GNG14: variants seen among roughly 807,000 people sequenced by gnomAD.
GNG14 encodes the protein guanine nucleotide-binding protein G(I)/G(S)/G(O) subunit gamma-14.
For synonymous variants in GNG14, 44 were observed against 22.5 expected, an observed-to-expected ratio of 1.96 and a Z score of -2.71; for missense variants, 103 against 53.6, an observed-to-expected ratio of 1.92 and a Z score of -2.87.
In GNG14 at chr19:12,688,135, A is replaced by G. The variant is rs950281646; in HGVS notation, c.87A>G (p.Gln29=). 5 of 702,354 alleles carry G rather than the reference A, an allele frequency of 7.1e-6. No individual in the cohort carries two copies. The highest frequency in any genetic ancestry group is 2.0e-5 in the Admixed American group (1 of 49,978). 43.5% of individuals were successfully genotyped at this position (702,354 alleles called of 1,614,324 possible). A position where few individuals can be genotyped will look rare whatever the true frequency, so the allele number is the denominator to read the frequency against. The change falls in exon 1 of 1, where the codon CAA becomes CAG. Residue 29 remains glutamine (Q), a synonymous_variant. Transcript: ENST00000640151. ...TCCAGATGGAGGCAGGCATCGACCA[A>G]GTGAAGGTGAGGGTCGGGGCCAGTG... ...EQLQMEAGID[Q]VKVRVGASAG...
rs1202299180 is a variant in GNG14, at chr19:12,688,061, G to A, written c.13G>A (p.Val5Met). Residue 5 changes from valine to methionine, a missense_variant, in exon 1 of 1, where the codon GTG (valine) becomes ATG (methionine). Val to Met is a conservative substitution (Grantham distance 21, BLOSUM62 1). Coordinates refer to ENST00000640151, the MANE Select transcript of GNG14 (RefSeq NM_001316692.2). ...CCACTTTACCCAGATGTCCAGCAAG[G>A]TGGCCATCAACAGTGACATTGGGCA... is the stretch of plus-strand genomic sequence containing the variant. MSSK[V>M]AINSDIGQAL... The A allele has an allele frequency of 2.9e-6, 2 of 684,712 alleles. No individual in the cohort carries two copies. Among genetic ancestry groups the A allele is most frequent in the African/African-American group, 3.5e-5 (2 of 56,968 alleles). 42.4% of individuals were successfully genotyped at this position (684,712 alleles called of 1,614,324 possible).
In GNG14 at chr19:12,688,123, A is replaced by G. The variant is rs1379904860; in HGVS notation, c.75A>G (p.Ala25=). The G allele has an allele frequency of 1.4e-6, 1 of 702,218 alleles. No homozygotes were observed. The highest frequency in any genetic ancestry group is 2.6e-6 in the Non-Finnish European group (1 of 384,644). The allele number at this position is 702,218 out of a possible 1,614,324, so 43.5% of individuals were successfully genotyped here. A position where few individuals can be genotyped will look rare whatever the true frequency, so the allele number is the denominator to read the frequency against. ...LWAVEQLQME[A]GIDQVKVRVG... is the part of the protein sequence containing the mutation. ...CAGTGGAGCAGCTCCAGATGGAGGC[A>G]GGCATCGACCAAGTGAAGGTGAGGG... The change falls in exon 1 of 1, where the codon GCA becomes GCG. Residue 25 remains alanine, a synonymous_variant. Coordinates refer to ENST00000640151, the MANE Select transcript of GNG14 (RefSeq NM_001316692.2).
chr19:12,688,122 CAGGCA>C lies in GNG14; in HGVS notation c.75_79del (p.Gly26ArgfsTer58), dbSNP rs1439974612. ...GCAGTGGAGCAGCTCCAGATGGAGG[CAGGCA>C]TCGACCAAGTGAAGGTGAGGGTCGG... On this transcript the variant is annotated frameshift_variant, in exon 1 of 1. Transcript: ENST00000640151. LOFTEE classifies it low-confidence loss of function (END_TRUNC). 7.1e-6 allele frequency: 5 copies of C among 702,012 alleles called. No homozygotes were observed. Among genetic ancestry groups the C allele is most frequent in the Admixed American group, 2.0e-5 (1 of 49,980 alleles). The allele number at this position is 702,012 out of a possible 1,614,324, so 43.5% of individuals were successfully genotyped here.
In GNG14 at chr19:12,688,210, C is replaced by T. The variant is rs2024951709; in HGVS notation, c.162C>T (p.Cys54=). 1.4e-6 allele frequency: 1 copy of T among 702,516 alleles called. No individual in the cohort carries two copies. The highest frequency in any genetic ancestry group is 2.6e-6 in the Non-Finnish European group (1 of 385,010). 43.5% of individuals were successfully genotyped at this position (702,516 alleles called of 1,614,324 possible). A position where few individuals can be genotyped will look rare whatever the true frequency, so the allele number is the denominator to read the frequency against. Residue 54 remains cysteine, a synonymous_variant, in exon 1 of 1, where the codon TGC becomes TGT. Coordinates refer to ENST00000640151, the MANE Select transcript of GNG14 (RefSeq NM_001316692.2). ...ACATGGGCCAGGGGACAGGTGCATG[C>T]CTGGGTCTGGTCTGGCTGAACCAGT... is the stretch of plus-strand genomic sequence containing the variant. ...WEHMGQGTGA[C]LGLVWLNQLV...
rs1355187631 is a variant in GNG14, at chr19:12,688,028, C to T, written c.-21C>T. On this transcript the variant is annotated 5_prime_UTR_variant, in exon 1 of 1. In the 5' UTR this introduces an upstream ATG that the reference lacks. Coordinates refer to ENST00000640151, the MANE Select transcript of GNG14 (RefSeq NM_001316692.2). The stretch of plus-strand genomic sequence containing the variant: ...GGACTGAGGTTGGGCCTGCTGCCCA[C>T]GGCCTGCCCACTTTACCCAGATGTC... The T allele has an allele frequency of 4.6e-6, 3 of 657,806 alleles. No individual in the cohort carries two copies. The highest frequency in any genetic ancestry group is 1.7e-5 in the South Asian group (1 of 59,836). The allele number at this position is 657,806 out of a possible 1,614,324, so 40.7% of individuals were successfully genotyped here. A position where few individuals can be genotyped will look rare whatever the true frequency, so the allele number is the denominator to read the frequency against.
rs1318898761 is a variant in GNG14, at chr19:12,688,248, G to A, written c.200G>A (p.Cys67Tyr). The change falls in exon 1 of 1, where the codon TGT becomes TAT. Residue 67 changes from cysteine (C) to tyrosine (Y), a missense_variant. By Grantham distance (194) the Cys-to-Tyr change is radical. Transcript: ENST00000640151. ...LVWLNQLVCR[C>Y]PKMAADLLKF... Reference sequence around the variant, plus strand: ...TGGCTGAACCAGTTGGTCTGCAGGTGTCCAAAGATGGCCGCCGATCTGCTG... The same window carrying A: ...TGGCTGAACCAGTTGGTCTGCAGGTATCCAAAGATGGCCGCCGATCTGCTG... 1.4e-6 allele frequency: 1 copy of A among 702,542 alleles called. No homozygotes were observed. The highest frequency in any genetic ancestry group is 1.7e-5 in the African/African-American group (1 of 57,354). 43.5% of individuals were successfully genotyped at this position (702,542 alleles called of 1,614,324 possible).
Position 12,688,198 on chromosome 19 carries a change from G to T in GNG14, c.150G>T (p.Gly50=), listed in dbSNP as rs57695059. The T allele has an allele frequency of 7.3e-4, 511 of 702,682 alleles. 4 individuals carry two copies. In the African/African-American group the frequency reaches 8.3e-3, roughly 11 times the overall value. 43.5% of individuals were successfully genotyped at this position (702,682 alleles called of 1,614,324 possible). A position where few individuals can be genotyped will look rare whatever the true frequency, so the allele number is the denominator to read the frequency against. ...AGAGGTGGGAACACATGGGCCAGGG[G>T]ACAGGTGCATGCCTGGGTCTGGTCT... is the stretch of plus-strand genomic sequence containing the variant. The part of the protein sequence containing the change: ...GGKRWEHMGQ[G]TGACLGLVWL... The change falls in exon 1 of 1, where the codon GGG becomes GGT. Residue 50 remains glycine, a synonymous_variant. Coordinates refer to ENST00000640151, the MANE Select transcript of GNG14 (RefSeq NM_001316692.2).
rs747867797 is a variant in GNG14 at position 12,688,279 on chromosome 19, C to A, written c.231C>A (p.Phe77Leu). Residue 77 changes from phenylalanine (F) to leucine (L), a missense_variant, in exon 1 of 1, where the codon TTC (phenylalanine) becomes TTA (leucine). By Grantham distance (22) the Phe-to-Leu change is conservative. Transcript: ENST00000640151. Reference sequence around the variant, plus strand: ...AGATGGCCGCCGATCTGCTGAAGTTCTGCACGGAGCAGGCCAAGAATGACC... The same window carrying A: ...AGATGGCCGCCGATCTGCTGAAGTTATGCACGGAGCAGGCCAAGAATGACC... ...CPKMAADLLK[F>L]CTEQAKNDPF... 7 of 702,602 alleles carry A rather than the reference C, an allele frequency of 1.0e-5. No homozygotes were observed. The highest frequency in any genetic ancestry group is 1.6e-5 in the Non-Finnish European group (6 of 384,998). The allele number at this position is 702,602 out of a possible 1,614,324, so 43.5% of individuals were successfully genotyped here. A position where few individuals can be genotyped will look rare whatever the true frequency, so the allele number is the denominator to read the frequency against.
At position 12,688,409 on chromosome 19, in the gene GNG14, A is replaced by AG. The variant is rs766118293; in HGVS notation, c.*42dup. 5.7e-6 allele frequency: 4 copies of AG among 697,218 alleles called. No homozygotes were observed. In the South Asian group the frequency reaches 5.9e-5, roughly 10 times the overall value. The allele number at this position is 697,218 out of a possible 1,614,324, so 43.2% of individuals were successfully genotyped here. On this transcript the variant is annotated 3_prime_UTR_variant, in exon 1 of 1. Coordinates refer to ENST00000640151, the MANE Select transcript of GNG14 (RefSeq NM_001316692.2). The stretch of plus-strand genomic sequence containing the variant: ...TGCCACCCTGTGGCCTGGGCAAACC[A>AG]GGGGGCCTCAATAAACATGAAGTGA...
In GNG14 at chr19:12,688,074, GT is replaced by G. The variant is rs1568323805; in HGVS notation, c.27del (p.Ser9ArgfsTer22). Reference sequence around the variant, plus strand: ...ATGTCCAGCAAGGTGGCCATCAACAGTGACATTGGGCAGGCCCTCTGGGCAG... The same window carrying G: ...ATGTCCAGCAAGGTGGCCATCAACAGGACATTGGGCAGGCCCTCTGGGCAG... MSSKVAIN[S>X]DIGQALWAVE... On this transcript the variant is annotated frameshift_variant, in exon 1 of 1. Coordinates refer to ENST00000640151, the MANE Select transcript of GNG14 (RefSeq NM_001316692.2). LOFTEE classifies it low-confidence loss of function (END_TRUNC). The G allele has an allele frequency of 1.4e-6, 1 of 691,524 alleles. No homozygotes were observed. The highest frequency in any genetic ancestry group is 2.0e-5 in the Admixed American group (1 of 49,724). The allele number at this position is 691,524 out of a possible 1,614,324, so 42.8% of individuals were successfully genotyped here.
Position 12,688,346 on chromosome 19 carries a change from G to A in GNG14, c.298G>A (p.Glu100Lys), listed in dbSNP as rs1282061695. Residue 100 changes from glutamate (E) to lysine (K), a missense_variant, in exon 1 of 1, where the codon GAG becomes AAG. Coordinates refer to ENST00000640151, the MANE Select transcript of GNG14 (RefSeq NM_001316692.2). The stretch of plus-strand genomic sequence containing the variant: ...CCCGGCCGCCACCAACTCCTTCAAG[G>A]AGAAGAAGCCCTATGCCATCCTATG... The part of the protein sequence containing the change: ...GIPAATNSFK[E>K]KKPYAIL 1.4e-6 allele frequency: 1 copy of A among 702,466 alleles called. No homozygotes were observed. The highest frequency in any genetic ancestry group is 1.7e-5 in the African/African-American group (1 of 57,258). The allele number at this position is 702,466 out of a possible 1,614,324, so 43.5% of individuals were successfully genotyped here.
Position 12,688,348 on chromosome 19 carries a change from G to T in GNG14, c.300G>T (p.Glu100Asp), listed in dbSNP as rs1434066752. The part of the protein sequence containing the change: ...GIPAATNSFK[E>D]KKPYAIL Reference sequence around the variant, plus strand: ...CGGCCGCCACCAACTCCTTCAAGGAGAAGAAGCCCTATGCCATCCTATGAA... The same window carrying T: ...CGGCCGCCACCAACTCCTTCAAGGATAAGAAGCCCTATGCCATCCTATGAA... Residue 100 changes from glutamate to aspartate, a missense_variant, in exon 1 of 1, where the codon GAG (glutamate) becomes GAT (aspartate). Coordinates refer to ENST00000640151, the MANE Select transcript of GNG14 (RefSeq NM_001316692.2). 2 of 702,454 alleles carry T rather than the reference G, an allele frequency of 2.8e-6. No homozygotes were observed. Among genetic ancestry groups the T allele is most frequent in the African/African-American group, 3.5e-5 (2 of 57,256 alleles). The allele number at this position is 702,454 out of a possible 1,614,324, so 43.5% of individuals were successfully genotyped here. A position where few individuals can be genotyped will look rare whatever the true frequency, so the allele number is the denominator to read the frequency against.
Position 12,688,080 on chromosome 19 carries a change from T to C in GNG14, c.32T>C (p.Ile11Thr), listed in dbSNP as rs569900344. ...AGCAAGGTGGCCATCAACAGTGACA[T>C]TGGGCAGGCCCTCTGGGCAGTGGAG... MSSKVAINSD[I>T]GQALWAVEQL... Residue 11 changes from isoleucine (I) to threonine (T), a missense_variant, in exon 1 of 1, where the codon ATT (isoleucine) becomes ACT (threonine). Transcript: ENST00000640151. The C allele has an allele frequency of 6.8e-5, 47 of 693,848 alleles. No homozygotes were observed. Among genetic ancestry groups the C allele is most frequent in the African/African-American group, 4.2e-4 (24 of 57,178 alleles). The allele number at this position is 693,848 out of a possible 1,614,324, so 43.0% of individuals were successfully genotyped here. A position where few individuals can be genotyped will look rare whatever the true frequency, so the allele number is the denominator to read the frequency against.
In GNG14 at chr19:12,688,122, C is replaced by T. The variant is rs1289112346; in HGVS notation, c.74C>T (p.Ala25Val). ...LWAVEQLQME[A>V]GIDQVKVRVG... ...GCAGTGGAGCAGCTCCAGATGGAGG[C>T]AGGCATCGACCAAGTGAAGGTGAGG... The change falls in exon 1 of 1, where the codon GCA (alanine) becomes GTA (valine). Residue 25 changes from alanine (A) to valine (V), a missense_variant. Transcript: ENST00000640151. The T allele has an allele frequency of 1.4e-6, 1 of 702,130 alleles. No individual in the cohort carries two copies. Among genetic ancestry groups the T allele is most frequent in the Non-Finnish European group, 2.6e-6 (1 of 384,610 alleles). The allele number at this position is 702,130 out of a possible 1,614,324, so 43.5% of individuals were successfully genotyped here. A position where few individuals can be genotyped will look rare whatever the true frequency, so the allele number is the denominator to read the frequency against.
rs1184841684 is a variant in GNG14 at position 12,688,171 on chromosome 19, G to A, written c.123G>A (p.Gly41=). 1.4e-5 allele frequency: 10 copies of A among 702,730 alleles called. No homozygotes were observed. The highest frequency in any genetic ancestry group is 2.6e-5 in the Non-Finnish European group (10 of 385,018). The allele number at this position is 702,730 out of a possible 1,614,324, so 43.5% of individuals were successfully genotyped here. A position where few individuals can be genotyped will look rare whatever the true frequency, so the allele number is the denominator to read the frequency against. ...GGGTCGGGGCCAGTGCAGGAGGCGG[G>A]AAGAGGTGGGAACACATGGGCCAGG... ...KVRVGASAGG[G]KRWEHMGQGT... is the part of the protein sequence containing the mutation. Residue 41 remains glycine, a synonymous_variant, in exon 1 of 1, where the codon GGG becomes GGA. Coordinates refer to ENST00000640151, the MANE Select transcript of GNG14 (RefSeq NM_001316692.2).
In GNG14 at chr19:12,688,040, T is replaced by C. The variant is rs1568323776; in HGVS notation, c.-9T>C. ...GGCCTGCTGCCCACGGCCTGCCCACTTTACCCAGATGTCCAGCAAGGTGGC... is the reference window on the plus strand; with the variant it reads ...GGCCTGCTGCCCACGGCCTGCCCACCTTACCCAGATGTCCAGCAAGGTGGC... On this transcript the variant is annotated 5_prime_UTR_variant, in exon 1 of 1. Coordinates refer to ENST00000640151, the MANE Select transcript of GNG14 (RefSeq NM_001316692.2). The C allele has an allele frequency of 1.5e-6, 1 of 670,068 alleles. No individual in the cohort carries two copies. 41.5% of individuals were successfully genotyped at this position (670,068 alleles called of 1,614,324 possible).
At position 12,688,361 on chromosome 19, in the gene GNG14, G is replaced by A; in HGVS notation, c.313G>A (p.Ala105Thr). The change falls in exon 1 of 1, where the codon GCC becomes ACC. Residue 105 changes from alanine to threonine, a missense_variant. Transcript: ENST00000640151. ...TNSFKEKKPY[A>T]IL ...CTCCTTCAAGGAGAAGAAGCCCTAT[G>A]CCATCCTATGAACCCAGGGCAATGC... 1.4e-6 allele frequency: 1 copy of A among 702,532 alleles called. No individual in the cohort carries two copies. The highest frequency in any genetic ancestry group is 2.6e-6 in the Non-Finnish European group (1 of 384,932). 43.5% of individuals were successfully genotyped at this position (702,532 alleles called of 1,614,324 possible). A position where few individuals can be genotyped will look rare whatever the true frequency, so the allele number is the denominator to read the frequency against.
At position 12,688,325 on chromosome 19, in the gene GNG14, G is replaced by A. The variant is rs1326481762; in HGVS notation, c.277G>A (p.Ala93Thr). The change falls in exon 1 of 1, where the codon GCC becomes ACC. Residue 93 changes from alanine to threonine, a missense_variant. Ala to Thr is a moderately conservative substitution (Grantham distance 58, BLOSUM62 0). Transcript: ENST00000640151. The part of the protein sequence containing the change: ...KNDPFLVGIP[A>T]ATNSFKEKKP... The stretch of plus-strand genomic sequence containing the variant: ...TGACCCCTTCCTTGTGGGCATCCCG[G>A]CCGCCACCAACTCCTTCAAGGAGAA... 1 of 702,442 alleles carries A rather than the reference G, an allele frequency of 1.4e-6. No homozygotes were observed. The highest frequency in any genetic ancestry group is 1.7e-5 in the African/African-American group (1 of 57,246). The allele number at this position is 702,442 out of a possible 1,614,324, so 43.5% of individuals were successfully genotyped here.
At position 12,688,150 on chromosome 19, in the gene GNG14, C is replaced by A. The variant is rs990073160; in HGVS notation, c.102C>A (p.Val34=). Reference sequence around the variant, plus strand: ...GCATCGACCAAGTGAAGGTGAGGGTCGGGGCCAGTGCAGGAGGCGGGAAGA... The same window carrying A: ...GCATCGACCAAGTGAAGGTGAGGGTAGGGGCCAGTGCAGGAGGCGGGAAGA... ...EAGIDQVKVR[V]GASAGGGKRW... The change falls in exon 1 of 1, where the codon GTC becomes GTA. Residue 34 remains valine, a synonymous_variant. Coordinates refer to ENST00000640151, the MANE Select transcript of GNG14 (RefSeq NM_001316692.2). The A allele has an allele frequency of 2.8e-6, 2 of 702,450 alleles. No individual in the cohort carries two copies. The highest frequency in any genetic ancestry group is 2.6e-6 in the Non-Finnish European group (1 of 384,976). 43.5% of individuals were successfully genotyped at this position (702,450 alleles called of 1,614,324 possible). A position where few individuals can be genotyped will look rare whatever the true frequency, so the allele number is the denominator to read the frequency against.
Sources: allele counts gnomAD v4.1 joint callset, GRCh38; gene constraint gnomAD v4.1.1; transcripts MANE v1.5; gene names NCBI Gene and HGNC (gene_info 2026-07-23, HGNC 2026-07-21).